Variants in TNFRSF10B observed in about 807,000 individuals in gnomAD.
The protein encoded by TNFRSF10B is tumor necrosis factor receptor superfamily member 10B.
TNFRSF10B carries 35 observed loss-of-function variants against 41.4 expected under a neutral mutation model. The ratio of observed to expected loss-of-function variants is 0.85; its 90% CI spans 0.65 to 1.12. The LOEUF (loss-of-function observed/expected upper bound fraction) is 1.12, where lower values mean the gene tolerates loss of function less well. Ranked by LOEUF, TNFRSF10B falls within the 50% of genes most tolerant of loss-of-function variation. TNFRSF10B has a pLI of 0.00. For synonymous variants in TNFRSF10B, 230 were observed against 215.5 expected, an observed-to-expected ratio of 1.07 and a Z score of -0.59; for missense variants, 584 against 552.7, an observed-to-expected ratio of 1.06 and a Z score of -0.57.
rs563359359 is a variant in TNFRSF10B at position 23,037,404 on chromosome 8, T to C, written c.250+5734A>G. ...GTCTGCCAGCTACCTGGTGGCAGGT[T>C]GATTATTACACTGAACCATTTCTAT... On this transcript the variant is annotated intron_variant, in intron 2 of 8. Transcript: ENST00000276431. 2.0e-5 allele frequency among the ~76,000 whole-genome samples: 3 copies of C among 152,318 alleles called. No individual in the cohort carries two copies. In the East Asian group the frequency reaches 5.8e-4, roughly 29 times the overall value.
At chr8:23,056,259 G>A (rs188963371) in intron 1 of TNFRSF10B, among the ~76,000 whole-genome samples, 4 of 152,080 alleles carry the variant, frequency 2.6e-5, no homozygotes, top group Non-Finnish European at 5.9e-5. Flanking sequence ...CTATAAATAC[G>A]ATATTACCTT....
intron 4 of TNFRSF10B, 104 bp from the exon 5 acceptor site, chr8:23,028,706 C>T (rs1391488248): frequency 2.1e-6 from 3 of 1,431,026 alleles, no homozygotes; most frequent in East Asian, 4.5e-5. Flanking sequence ...GAGAAGGTGT[C>T]AGGGGAAGGA....
intron 1 of TNFRSF10B, among the ~76,000 whole-genome samples, chr8:23,057,230 A>G (rs1394986770): frequency 1.3e-5 from 2 of 151,186 alleles, no homozygotes; most frequent in African/African-American, 4.9e-5. Flanking sequence ...TATTTTCAGT[A>G]GAGATGGGGT....
intron 7 of TNFRSF10B, among the ~76,000 whole-genome samples, chr8:23,026,425 A>G (rs1049721642): frequency 2.0e-5 from 3 of 152,232 alleles, no homozygotes; most frequent in Admixed American, 6.5e-5. Flanking sequence ...ACAGAGACTC[A>G]GAATAATTCA....
rs780128248 is a variant in TNFRSF10B at position 23,022,713 on chromosome 8, CT to C, written c.1280del (p.Lys427SerfsTer5). ...CTGCATTACCTTCTAGATACATGAACTTTCCAGAGCTCAACAAGTGGTCCTC... is the reference window on the plus strand; with the variant it reads ...CTGCATTACCTTCTAGATACATGAACTTCCAGAGCTCAACAAGTGGTCCTC... ...KIEDHLLSSG[K>X]FMYLEGNADS... On this transcript the variant is annotated frameshift_variant, in exon 9 of 9. Transcript: ENST00000276431. LOFTEE classifies it low-confidence loss of function (END_TRUNC). The C allele has an allele frequency of 1.9e-6, 3 of 1,614,066 alleles. No homozygotes were observed. The highest frequency in any genetic ancestry group is 2.5e-6 in the Non-Finnish European group (3 of 1,180,034).
At position 23,020,999 on chromosome 8, in the gene TNFRSF10B, T is replaced by C. The variant is rs1487726478; in HGVS notation, c.*1672A>G. The C allele has an allele frequency of 2.2e-6, 1 of 454,084 alleles. No homozygotes were observed. The highest frequency in any genetic ancestry group is 7.0e-5 in the East Asian group (1 of 14,386). The allele number at this position is 454,084 out of a possible 1,614,324, so 28.1% of individuals were successfully genotyped here. ...CTAAAACTCCACAGACACAACAGTC[T>C]GAATGTGTGATCTTCAGGCAATTCT... is the stretch of plus-strand genomic sequence containing the variant. On this transcript the variant is annotated 3_prime_UTR_variant, in exon 9 of 9. Transcript: ENST00000276431.
At chr8:23,060,660 T>C (rs1812806824) in intron 1 of TNFRSF10B, among the ~76,000 whole-genome samples, 1 of 152,234 alleles carries the variant, frequency 6.6e-6, no homozygotes, top group South Asian at 2.1e-4. Context: ...AGGATACATT[T>C]TTTCATTTCT....
At chr8:23,036,234 T>C (rs1812026758) in intron 2 of TNFRSF10B, among the ~76,000 whole-genome samples, 1 of 152,236 alleles carries the variant, frequency 6.6e-6, no homozygotes, top group African/African-American at 2.4e-5. Flanking sequence ...AAGCCATAAG[T>C]TTGGGCACAT....
At chr8:23,035,331 G>A (rs1411521738) in intron 2 of TNFRSF10B, among the ~76,000 whole-genome samples, 4 of 151,974 alleles carry the variant, frequency 2.6e-5, no homozygotes, top group African/African-American at 9.7e-5. Flanking sequence ...TAGTAGAGAT[G>A]AGGTTTCACC....
chr8:23,046,747 T>C lies in TNFRSF10B; in HGVS notation c.145-3504A>G, dbSNP rs187614656. Among the ~76,000 whole-genome samples, 9 of 151,860 alleles carry C rather than the reference T, an allele frequency of 5.9e-5. No homozygotes were observed. The East Asian group carries it at 1.5e-3, about 26-fold the overall frequency. On this transcript the variant is annotated intron_variant, in intron 1 of 8. Coordinates refer to ENST00000276431, the MANE Select transcript of TNFRSF10B (RefSeq NM_003842.5). ...TAATTAAAACAGCATGGCACGGGTA[T>C]AAAAATGGACATATTGACCAATGGA...
At chr8:23,024,317 C>A in intron 7 of TNFRSF10B, 57 bp from the exon 8 acceptor site, 1 of 1,601,280 alleles carries the variant, frequency 6.2e-7, no homozygotes, top group Admixed American at 1.7e-5. Context: ...CAGTCCAGTA[C>A]TGACCCCGAC....
At chr8:23,060,312 T>G (rs1358246444) in intron 1 of TNFRSF10B, among the ~76,000 whole-genome samples, 1 of 152,244 alleles carries the variant, frequency 6.6e-6, no homozygotes, top group Non-Finnish European at 1.5e-5. Context: ...TAGCTATTTT[T>G]TAAATACAAT....
chr8:23,068,609 C>T (rs938377179), intron 1 of TNFRSF10B, 142 bp downstream of exon 1: 1 of 1,341,762 alleles, frequency 7.5e-7, no homozygotes, highest in South Asian at 1.4e-5. Flanking sequence ...TCCCCCGACT[C>T]CGACGACTGG....
intron 2 of TNFRSF10B, 95 bp downstream of exon 2, chr8:23,043,043 G>T: frequency 8.3e-7 from 1 of 1,199,466 alleles, no homozygotes; most frequent in African/African-American, 1.5e-5. Flanking sequence ...GCCTCTCTGT[G>T]GAATAAAGAA....
intron 1 of TNFRSF10B, among the ~76,000 whole-genome samples, chr8:23,058,263 T>A (rs1396082061): frequency 6.6e-6 from 1 of 152,124 alleles, no homozygotes; most frequent in Non-Finnish European, 1.5e-5. Context: ...AAATTCCATC[T>A]CTTATAAACA....
intron 2 of TNFRSF10B, among the ~76,000 whole-genome samples, chr8:23,033,620 A>AAAAAAAAAAAAAAAAAAG (rs1563310598): frequency 9.3e-6 from 1 of 107,666 alleles, no homozygotes; most frequent in African/African-American, 3.2e-5. Flanking sequence ...AAAAAAAAAA[A>AAAAAAAAAAAAAAAAAAG]AGAACCCTGG....
At chr8:23,023,455 T>G (rs1043732405) in intron 8 of TNFRSF10B, among the ~76,000 whole-genome samples, 9 of 151,966 alleles carry the variant, frequency 5.9e-5, no homozygotes, top group African/African-American at 1.9e-4. Flanking sequence ...CGGCCTCACT[T>G]CCTGGGGCTG....
intron 1 of TNFRSF10B, 67 bp downstream of exon 1, chr8:23,068,684 T>C (rs560225537): frequency 3.3e-6 from 5 of 1,532,384 alleles, no homozygotes; most frequent in Admixed American, 4.0e-5. Context: ...CGTGTCCCCC[T>C]CTCTCCCTGC....
At chr8:23,036,038 C>G (rs1294949434) in intron 2 of TNFRSF10B, among the ~76,000 whole-genome samples, 1 of 152,046 alleles carries the variant, frequency 6.6e-6, no homozygotes, top group Non-Finnish European at 1.5e-5. Context: ...TCTAGGTCAA[C>G]CACAGCACAG....
Sources: allele counts gnomAD v4.1 joint callset (sites outside exome capture counted in the v4.1 genomes callset), GRCh38; gene constraint gnomAD v4.1.1; transcripts MANE v1.5; gene names NCBI Gene and HGNC (gene_info 2026-07-23, HGNC 2026-07-21).